INPPL1: variants seen among roughly 807,000 people sequenced by gnomAD.
The protein encoded by INPPL1 is phosphatidylinositol 3,4,5-trisphosphate 5-phosphatase 2.
INPPL1 carries 91 observed loss-of-function variants against 139.3 expected under a neutral mutation model. The observed-to-expected ratio is 0.65, with a 90% CI of 0.55 to 0.78. The LOEUF (loss-of-function observed/expected upper bound fraction) is 0.78, where lower values mean the gene tolerates loss of function less well. INPPL1 is among the 30% of genes least tolerant of loss of function. INPPL1 has a pLI of 0.00. For synonymous variants in INPPL1, 719 were observed against 686.6 expected, an observed-to-expected ratio of 1.05 and a Z score of -0.74; for missense variants, 1,411 against 1,665.6, an observed-to-expected ratio of 0.85 and a Z score of 2.66.
rs1179131487 is a variant in INPPL1 at position 72,234,735 on chromosome 11, G to A, written c.2415+120G>A. The A allele has an allele frequency of 9.9e-6, 4 of 403,232 alleles. No homozygotes were observed. The highest frequency in any genetic ancestry group is 1.3e-5 in the Non-Finnish European group (3 of 236,368). 25.0% of individuals were successfully genotyped at this position (403,232 alleles called of 1,614,324 possible). On this transcript the variant is annotated intron_variant, in intron 21 of 27. Transcript: ENST00000298229. The surrounding 1 kb of genome is among the most constrained non-coding windows in gnomAD (Gnocchi z 4.2). ...GCCAGCAGAGAGAGAGAGAGAGAGT[G>A]TGTGTGTGTGTGTGTGTGTGTGTGT...
At chr11:72,233,276 C>A in intron 17 of INPPL1, 113 bp downstream of exon 17, 1 of 1,092,524 alleles carries the variant, frequency 9.2e-7, no homozygotes. Flanking sequence ...CATGGCCCCT[C>A]TGAGGCCTTT....
At position 72,225,138 on chromosome 11, in the gene INPPL1, G is replaced by C; in HGVS notation, c.154G>C (p.Val52Leu). The C allele has an allele frequency of 8.1e-7, 1 of 1,231,694 alleles. No individual in the cohort carries two copies. Among genetic ancestry groups the C allele is most frequent in the Non-Finnish European group, 1.0e-6 (1 of 987,606 alleles). 76.3% of individuals were successfully genotyped at this position (1,231,694 alleles called of 1,614,324 possible). The change falls in exon 1 of 28, where the codon GTG becomes CTG. Residue 52 changes from valine (V) to leucine (L), a missense_variant. Val to Leu is a conservative substitution (Grantham distance 32). Transcript: ENST00000298229. Reference protein sequence around the residue: ...GSFLVRDSESVAGAFALCVLY... With the variant: ...GSFLVRDSESLAGAFALCVLY... Reference sequence around the variant, plus strand: ...CTTCCTGGTCCGAGACAGCGAGAGCGTGGCGGGGGCCTTCGCGCTCTGCGT... The same window carrying C: ...CTTCCTGGTCCGAGACAGCGAGAGCCTGGCGGGGGCCTTCGCGCTCTGCGT...
Position 72,234,632 on chromosome 11 carries a change from G to A in INPPL1, c.2415+17G>A. ...CTGCCCACGGTGAGGCTGTGGGCAGGGCCCCTGCTTATGGGTGAGGGCACA... is the reference window on the plus strand; with the variant it reads ...CTGCCCACGGTGAGGCTGTGGGCAGAGCCCCTGCTTATGGGTGAGGGCACA... On this transcript the variant is annotated intron_variant, in intron 21 of 27. Coordinates refer to ENST00000298229, the MANE Select transcript of INPPL1 (RefSeq NM_001567.4). This position sits in a 1 kb window ranked among gnomAD's most constrained non-coding sequence, Gnocchi z 4.2. 1 of 1,593,980 alleles carries A rather than the reference G, an allele frequency of 6.3e-7. No homozygotes were observed. Among genetic ancestry groups the A allele is most frequent in the African/African-American group, 1.3e-5 (1 of 74,556 alleles).
rs1225274979 is a variant in INPPL1, at chr11:72,232,880, C to T, written c.1857C>T (p.Ile619=). 6.2e-7 allele frequency: 1 copy of T among 1,614,098 alleles called. No individual in the cohort carries two copies. Among genetic ancestry groups the T allele is most frequent in the South Asian group, 1.1e-5 (1 of 91,084 alleles). ...CTTTGTGTCCTCCACCCCAGGAGAT[C>T]CTGAACTACATCAGCAGGAAAGAGT... ...NYRLDMDIQE[I]LNYISRKEFE... Residue 619 remains isoleucine (I), a synonymous_variant, in exon 16 of 28, where the codon ATC becomes ATT. Transcript: ENST00000298229.
intron 13 of INPPL1, 36 bp downstream of exon 13, chr11:72,231,651 GTC>G (rs929798409): frequency 7.0e-6 from 10 of 1,432,674 alleles, no homozygotes; most frequent in Non-Finnish European, 9.8e-6. Flanking sequence ...GAGTGGCAGC[GTC>G]TCTCTGTCCA....
chr11:72,228,767 C>T lies in INPPL1; in HGVS notation c.438C>T (p.Gly146=), dbSNP rs1948746699. The change falls in exon 4 of 28, where the codon GGC becomes GGT. Residue 146 remains glycine, a synonymous_variant. Coordinates refer to ENST00000298229, the MANE Select transcript of INPPL1 (RefSeq NM_001567.4). The surrounding 1 kb of genome is among the most constrained non-coding windows in gnomAD (Gnocchi z 5.0). ...DEKPPLPPRS[G]STSISAPTGP... ...AGCCCCCGCTGCCCCCGCGCTCTGG[C>T]TCCACCAGCATTTCTGCCCCCACTG... 1.2e-6 allele frequency: 2 copies of T among 1,612,112 alleles called. No individual in the cohort carries two copies. The highest frequency in any genetic ancestry group is 1.7e-6 in the Non-Finnish European group (2 of 1,179,048).
At chr11:72,230,699 C>G in intron 10 of INPPL1, 97 bp from the exon 11 acceptor site, 1 of 1,025,508 alleles carries the variant, frequency 9.8e-7, no homozygotes, top group South Asian at 1.5e-5. Context: ...CCAGACAGAC[C>G]CTCTCCTCAT....
Position 72,238,417 on chromosome 11 carries a change from C to T in INPPL1, c.*64C>T, listed in dbSNP as rs1949064564. ...CCCTGCTACCAAGGCCCAGCTATGG[C>T]CCCAGGGTTGAAAAGTTATGAGGGT... On this transcript the variant is annotated 3_prime_UTR_variant, in exon 28 of 28. Transcript: ENST00000298229. 4 of 1,403,772 alleles carry T rather than the reference C, an allele frequency of 2.8e-6. No individual in the cohort carries two copies. In the South Asian group the frequency reaches 4.3e-5, roughly 15 times the overall value. 87.0% of individuals were successfully genotyped at this position (1,403,772 alleles called of 1,614,324 possible).
Position 72,234,761 on chromosome 11 carries a change from G to GTGTA in INPPL1, c.2415+149_2415+152dup. On this transcript the variant is annotated intron_variant, in intron 21 of 27. Coordinates refer to ENST00000298229, the MANE Select transcript of INPPL1 (RefSeq NM_001567.4). The surrounding 1 kb of genome is among the most constrained non-coding windows in gnomAD (Gnocchi z 4.2). ...TGTGTGTGTGTGTGTGTGTGTGTGT[G>GTGTA]TGTATGGGCATGGGCATGAGTGAGG... is the stretch of plus-strand genomic sequence containing the variant. 3.2e-6 allele frequency: 2 copies of GTGTA among 633,420 alleles called. No homozygotes were observed. The highest frequency in any genetic ancestry group is 3.9e-5 in the South Asian group (2 of 51,090). The allele number at this position is 633,420 out of a possible 1,614,324, so 39.2% of individuals were successfully genotyped here.
At position 72,235,465 on chromosome 11, in the gene INPPL1, T is replaced by TG. The variant is rs1388078191; in HGVS notation, c.2659+17dup. 1 of 1,609,484 alleles carries TG rather than the reference T, an allele frequency of 6.2e-7. No homozygotes were observed. The highest frequency in any genetic ancestry group is 8.5e-7 in the Non-Finnish European group (1 of 1,179,180). On this transcript the variant is annotated intron_variant, in intron 23 of 27. Coordinates refer to ENST00000298229, the MANE Select transcript of INPPL1 (RefSeq NM_001567.4). The surrounding 1 kb of genome is among the most constrained non-coding windows in gnomAD (Gnocchi z 4.9). Reference sequence around the variant, plus strand: ...AGCGGCTCTACGGTGGGGACTCCACTGGGACATGAGATAGGGTGGTGTGAA... The same window carrying TG: ...AGCGGCTCTACGGTGGGGACTCCACTGGGGACATGAGATAGGGTGGTGTGAA...
Position 72,229,570 on chromosome 11 carries a change from G to A in INPPL1, c.753+12G>A. 2 of 1,613,810 alleles carry A rather than the reference G, an allele frequency of 1.2e-6. No homozygotes were observed. The highest frequency in any genetic ancestry group is 1.7e-6 in the Non-Finnish European group (2 of 1,179,736). On this transcript the variant is annotated intron_variant, in intron 6 of 27. Coordinates refer to ENST00000298229, the MANE Select transcript of INPPL1 (RefSeq NM_001567.4). ...TTTTGCAGCAGCAGGTAGATTGTAGGGAGACCTCTGGGAGGTGCGTTCGTG... is the reference window on the plus strand; with the variant it reads ...TTTTGCAGCAGCAGGTAGATTGTAGAGAGACCTCTGGGAGGTGCGTTCGTG...
chr11:72,231,096 C>T lies in INPPL1; in HGVS notation c.1404C>T (p.Val468=), dbSNP rs1396872119. The change falls in exon 12 of 28, where the codon GTC becomes GTT. Residue 468 remains valine, a synonymous_variant. Transcript: ENST00000298229. ...TGACCATACCCCATGACATCTATGT[C>T]TTTGGGACCCAGGAGAACTCAGTGG... ...VTVTIPHDIY[V]FGTQENSVGD... is the part of the protein sequence containing the mutation. The T allele has an allele frequency of 1.2e-6, 2 of 1,614,080 alleles. No individual in the cohort carries two copies. Among genetic ancestry groups the T allele is most frequent in the Admixed American group, 1.7e-5 (1 of 60,022 alleles).
At chr11:72,231,222 C>G (rs947608817) in intron 12 of INPPL1, 33 bp downstream of exon 12, 2 of 1,574,484 alleles carry the variant, frequency 1.3e-6, no homozygotes, top group Admixed American at 1.7e-5. Context: ...AGGACCCTGT[C>G]CTCACACACC....
Position 72,237,108 on chromosome 11 carries a change from C to A in INPPL1, c.2880-16C>A. ...GTTCCTGGATCCTGGCTTAGTCGTT[C>A]TGCTTCCACACCCAGGTTGAAGCCA... On this transcript the variant is annotated splice_polypyrimidine_tract_variant and intron_variant, in intron 25 of 27. Transcript: ENST00000298229. 1.9e-6 allele frequency: 3 copies of A among 1,559,086 alleles called. No homozygotes were observed. Among genetic ancestry groups the A allele is most frequent in the Non-Finnish European group, 8.7e-7 (1 of 1,150,070 alleles).
chr11:72,238,053 G>T lies in INPPL1; in HGVS notation c.3564G>T (p.Leu1188=). The change falls in exon 27 of 28, where the codon CTG becomes CTT. Residue 1188 remains leucine (L), a synonymous_variant. Transcript: ENST00000298229. ...CCCTGTTTCCTTAGGCTCCGTGCCT[G>T]CAGGGCGGGCGGGCCAGCGGGCTGG... ...QEDLAEEAPC[L]QGGRASGLGE... 6.4e-7 allele frequency: 1 copy of T among 1,554,860 alleles called. No homozygotes were observed.
chr11:72,235,512 CGGGG>C lies in INPPL1; in HGVS notation c.2659+64_2659+67del. On this transcript the variant is annotated intron_variant, in intron 23 of 27. Transcript: ENST00000298229. The surrounding 1 kb of genome is among the most constrained non-coding windows in gnomAD (Gnocchi z 4.9). ...TGAACAGATCAAGGAGGGCAGGGTG[CGGGG>C]GGCATGTTGGAATCTCTGGGATACC... is the stretch of plus-strand genomic sequence containing the variant. 6.3e-7 allele frequency: 1 copy of C among 1,576,806 alleles called. No individual in the cohort carries two copies. Among genetic ancestry groups the C allele is most frequent in the South Asian group, 1.1e-5 (1 of 87,682 alleles).
Position 72,225,284 on chromosome 11 carries a change from C to A in INPPL1, c.182+118C>A, listed in dbSNP as rs76170479. ...CGGTGGGACGCCAGACCCGCCTCCACCCCCCAGAGTGGGAGCCTTGGCTTT... is the reference window on the plus strand; with the variant it reads ...CGGTGGGACGCCAGACCCGCCTCCAACCCCCAGAGTGGGAGCCTTGGCTTT... On this transcript the variant is annotated intron_variant, in intron 1 of 27. Coordinates refer to ENST00000298229, the MANE Select transcript of INPPL1 (RefSeq NM_001567.4). 5 of 1,219,300 alleles carry A rather than the reference C, an allele frequency of 4.1e-6. No homozygotes were observed. In the Admixed American group the frequency reaches 1.7e-4, roughly 42 times the overall value. 75.5% of individuals were successfully genotyped at this position (1,219,300 alleles called of 1,614,324 possible). A position where few individuals can be genotyped will look rare whatever the true frequency, so the allele number is the denominator to read the frequency against.
In INPPL1 at chr11:72,225,086, G is replaced by C. The variant is rs1948630290; in HGVS notation, c.102G>C (p.Leu34=). ...TGAGCCGGGCGGCCGCGGAGGAGCTGCTGGCCCGGGCGGGCCGCGATGGCA... is the reference window on the plus strand; with the variant it reads ...TGAGCCGGGCGGCCGCGGAGGAGCTCCTGGCCCGGGCGGGCCGCGATGGCA... ...RDLSRAAAEE[L]LARAGRDGSF... The change falls in exon 1 of 28, where the codon CTG becomes CTC. Residue 34 remains leucine, a synonymous_variant. Coordinates refer to ENST00000298229, the MANE Select transcript of INPPL1 (RefSeq NM_001567.4). 4.9e-6 allele frequency: 6 copies of C among 1,230,986 alleles called. No individual in the cohort carries two copies. The highest frequency in any genetic ancestry group is 3.2e-5 in the East Asian group (1 of 31,676). The allele number at this position is 1,230,986 out of a possible 1,614,324, so 76.3% of individuals were successfully genotyped here.
chr11:72,235,209 G>T lies in INPPL1; in HGVS notation c.2503+6G>T, dbSNP rs1364181745. On this transcript the variant is annotated splice_donor_region_variant and intron_variant, in intron 22 of 27. Coordinates refer to ENST00000298229, the MANE Select transcript of INPPL1 (RefSeq NM_001567.4). This position sits in a 1 kb window ranked among gnomAD's most constrained non-coding sequence, Gnocchi z 4.9. ...GGATGGCTATGAATCCTATGGTGAG[G>T]GGTGAGGGGTGCTGAGGGGAACAGG... is the stretch of plus-strand genomic sequence containing the variant. The T allele has an allele frequency of 6.2e-7, 1 of 1,613,864 alleles. No individual in the cohort carries two copies. Among genetic ancestry groups the T allele is most frequent in the Non-Finnish European group, 8.5e-7 (1 of 1,179,930 alleles).
Sources: gnomAD v4.1 joint callset for allele counts on GRCh38, gnomAD v4.1.1 for gene constraint, Gnocchi (gnomAD v3.1) non-coding constraint, MANE v1.5 for transcripts, NCBI Gene and HGNC (gene_info 2026-07-23, HGNC 2026-07-21) for gene names.